Variants in CSMD3 observed in about 807,000 individuals in gnomAD.
The protein encoded by CSMD3 is CUB and sushi domain-containing protein 3.
In CSMD3, 177 loss-of-function variants were observed where a neutral mutation model predicts 435.2. That is an observed-to-expected ratio of 0.41 (90% CI 0.36 to 0.46). The LOEUF (loss-of-function observed/expected upper bound fraction) is 0.46. CSMD3 is among the 20% of genes least tolerant of loss of function. CSMD3 has a pLI of 0.34. For missense variants in CSMD3, 4,265 were observed against 4,504.6 expected, an observed-to-expected ratio of 0.95 and a Z score of 1.52; for synonymous variants, 1,656 against 1,520.5, an observed-to-expected ratio of 1.09 and a Z score of -2.07.
At chr8:113,334,138 T>C (rs752246688) in intron 1 of CSMD3, among the ~76,000 whole-genome samples, 1 of 151,942 alleles carries the variant, frequency 6.6e-6, no homozygotes, top group African/African-American at 2.4e-5. Context: ...AACTCACTTA[T>C]GTAGAGTAGT....
intron 2 of CSMD3, chr8:113,310,576 A>G (rs2093859909): frequency 6.6e-6 from 1 of 151,912 alleles, no homozygotes; most frequent in Admixed American, 6.6e-5. Context: ...ATCAAACAAG[A>G]GAATATGTTA....
At chr8:112,413,276 A>T (rs1811548702) in intron 32 of CSMD3, among the ~76,000 whole-genome samples, 2 of 152,212 alleles carry the variant, frequency 1.3e-5, no homozygotes, top group African/African-American at 4.8e-5. Context: ...GCTTTATTTG[A>T]CATCTAATTT....
At chr8:113,388,233 A>G (rs974404160) in intron 1 of CSMD3, among the ~76,000 whole-genome samples, 4 of 151,668 alleles carry the variant, frequency 2.6e-5, no homozygotes, top group African/African-American at 7.2e-5. Flanking sequence ...GAGGCAAGAG[A>G]CAAACATAAT....
At chr8:113,319,946 A>G (rs577768567) in intron 1 of CSMD3, among the ~76,000 whole-genome samples, 42 of 152,042 alleles carry the variant, frequency 2.8e-4, no homozygotes, top group African/African-American at 9.9e-4. Flanking sequence ...TTGTTTTCCT[A>G]TATTCTTTCA....
At chr8:113,323,126 C>A (rs1000228200) in intron 1 of CSMD3, among the ~76,000 whole-genome samples, 2 of 152,174 alleles carry the variant, frequency 1.3e-5, no homozygotes, top group African/African-American at 4.8e-5. Flanking sequence ...ACTTTACCCT[C>A]ATTCGCTTTT....
intron 59 of CSMD3, among the ~76,000 whole-genome samples, chr8:112,266,952 C>A (rs1440614534): frequency 6.6e-6 from 1 of 152,094 alleles, no homozygotes; most frequent in Non-Finnish European, 1.5e-5. Flanking sequence ...TCTGCTAAAT[C>A]TTTTGGTTCA....
At chr8:113,323,956 A>G (rs1408998172) in intron 1 of CSMD3, among the ~76,000 whole-genome samples, 1 of 152,192 alleles carries the variant, frequency 6.6e-6, no homozygotes, top group Non-Finnish European at 1.5e-5. Flanking sequence ...TTTACAGTTA[A>G]TAAGAAGGAA....
chr8:113,419,169 A>G (rs1158889190), intron 1 of CSMD3, among the ~76,000 whole-genome samples: 1 of 142,304 alleles, frequency 7.0e-6, no homozygotes, highest in African/African-American at 2.7e-5. Flanking sequence ...CCAAGGCTGG[A>G]GTGCAGTGGC....
chr8:112,636,628 G>C (rs1347278358), intron 22 of CSMD3, among the ~76,000 whole-genome samples, 189 bp downstream of exon 22: 2 of 151,742 alleles, frequency 1.3e-5, no homozygotes, highest in African/African-American at 4.8e-5. Flanking sequence ...TTATAAGCAT[G>C]GTTTCTTGAA....
intron 10 of CSMD3, among the ~76,000 whole-genome samples, chr8:112,870,765 G>A: frequency 6.6e-6 from 1 of 151,976 alleles, no homozygotes; most frequent in East Asian, 1.9e-4. Flanking sequence ...GCTGGGTGGA[G>A]GTGGAAAGAT....
intron 23 of CSMD3, among the ~76,000 whole-genome samples, 200 bp from the exon 24 acceptor site, chr8:112,573,857 A>C (rs1479726103): frequency 1.3e-5 from 2 of 152,008 alleles, no homozygotes. Context: ...TTAAAATTCC[A>C]AGCTTAGTGT....
chr8:112,271,852 C>T (rs1351210226), intron 59 of CSMD3, among the ~76,000 whole-genome samples: 1 of 152,108 alleles, frequency 6.6e-6, no homozygotes, highest in Non-Finnish European at 1.5e-5. Flanking sequence ...GTTTTAATAT[C>T]TCTTCAAAAT....
intron 10 of CSMD3, among the ~76,000 whole-genome samples, chr8:112,919,424 T>C (rs1844123005): frequency 6.6e-6 from 1 of 151,928 alleles, no homozygotes; most frequent in Non-Finnish European, 1.5e-5. Flanking sequence ...ATGATTCATC[T>C]TTTTAATCAA....
At chr8:112,504,671 T>C (rs1259732525) in intron 29 of CSMD3, among the ~76,000 whole-genome samples, 1 of 152,158 alleles carries the variant, frequency 6.6e-6, no homozygotes, top group African/African-American at 2.4e-5. Context: ...AGCATGTAAA[T>C]GATTCAAATC....
intron 23 of CSMD3, among the ~76,000 whole-genome samples, chr8:112,584,637 T>G (rs1830580430): frequency 6.6e-6 from 1 of 151,690 alleles, no homozygotes; most frequent in Non-Finnish European, 1.5e-5. Context: ...GAAAAAAATC[T>G]CTCCTCCTAA....
chr8:112,358,568 G>A lies in CSMD3; in HGVS notation c.6137-6034C>T, dbSNP rs117857469. 1.8e-3 allele frequency among the ~76,000 whole-genome samples: 280 copies of A among 152,240 alleles called. 2 individuals are homozygous for A. In the East Asian group the frequency reaches 0.047, roughly 25 times the overall value. ...TCTTTCCCATGCTGTTCTTGTGACAGTGAATAAGTCTCACAAGATCTGACG... is the reference window on the plus strand; with the variant it reads ...TCTTTCCCATGCTGTTCTTGTGACAATGAATAAGTCTCACAAGATCTGACG... On this transcript the variant is annotated intron_variant, in intron 38 of 70. Coordinates refer to ENST00000297405, the MANE Select transcript of CSMD3 (RefSeq NM_198123.2).
At chr8:112,464,934 T>C (rs1289410980) in intron 32 of CSMD3, among the ~76,000 whole-genome samples, 2 of 152,158 alleles carry the variant, frequency 1.3e-5, no homozygotes, top group East Asian at 1.9e-4. Context: ...TACCTAAATA[T>C]CCCACAGTGG....
intron 1 of CSMD3, among the ~76,000 whole-genome samples, chr8:113,325,803 C>A (rs1383915968): frequency 6.6e-6 from 1 of 152,098 alleles, no homozygotes; most frequent in Non-Finnish European, 1.5e-5. Context: ...GTGAATGTGT[C>A]ATAATTCCAA....
chr8:112,919,405 A>G (rs938838343), intron 10 of CSMD3, among the ~76,000 whole-genome samples: 1 of 151,898 alleles, frequency 6.6e-6, no homozygotes, highest in Non-Finnish European at 1.5e-5. Flanking sequence ...ACAATTTACT[A>G]TCATAAGTAT....
Sources: allele counts gnomAD v4.1 joint callset (sites outside exome capture counted in the v4.1 genomes callset), GRCh38; gene constraint gnomAD v4.1.1; transcripts MANE v1.5; gene names NCBI Gene and HGNC (gene_info 2026-07-23, HGNC 2026-07-21).